Variants in PLCB4 observed in about 807,000 individuals in gnomAD.
PLCB4 encodes phospholipase C beta 4.
In PLCB4, 77 loss-of-function variants were observed where a neutral mutation model predicts 178.8. The ratio of observed to expected loss-of-function variants is 0.43; its 90% CI spans 0.36 to 0.52. PLCB4 has a LOEUF of 0.52. PLCB4 is among the 20% of genes least tolerant of loss of function. The pLI, the probability that PLCB4 is intolerant of heterozygous loss-of-function variation, is 0.00. For missense variants in PLCB4, 1,024 were observed against 1,453.4 expected (o/e 0.70, Z 4.80); for synonymous variants, 496 against 490.8 (o/e 1.01, Z -0.14).
intron 2 of PLCB4, among the ~76,000 whole-genome samples, chr20:9,133,738 AG>A (rs1454964515): frequency 6.6e-6 from 1 of 152,220 alleles, no homozygotes; most frequent in Non-Finnish European, 1.5e-5. Context: ...ACCCTCAGCG[AG>A]CTTTCCTCAC....
intron 30 of PLCB4, among the ~76,000 whole-genome samples, chr20:9,443,036 A>C (rs1367670977): frequency 1.3e-5 from 2 of 152,218 alleles, no homozygotes; most frequent in East Asian, 3.9e-4. Context: ...GCAGTCAAAC[A>C]GAAACTGTTT....
At chr20:9,308,329 A>G (rs1317139514) in intron 4 of PLCB4, among the ~76,000 whole-genome samples, 1 of 152,092 alleles carries the variant, frequency 6.6e-6, no homozygotes, top group African/African-American at 2.4e-5. Flanking sequence ...ATTGATATAA[A>G]CCATTTTGAC....
rs542708084 is a variant in PLCB4, at chr20:9,240,951, A to T, written c.-16+23499A>T. On this transcript the variant is annotated intron_variant, in intron 3 of 39. Transcript: ENST00000378473. ...ACTGCATTTCCTGGTGGTAGCAGAG[A>T]TCTCAATTGTTTGATTTGCAGAAAT... Among the ~76,000 whole-genome samples the T allele has an allele frequency of 7.4e-4, 112 of 152,238 alleles. No homozygotes were observed. In the Middle Eastern group the frequency reaches 0.014, roughly 18 times the overall value.
intron 7 of PLCB4, among the ~76,000 whole-genome samples, chr20:9,346,048 C>T (rs983103811): frequency 1.3e-5 from 2 of 152,320 alleles, no homozygotes; most frequent in East Asian, 3.9e-4. Flanking sequence ...CAACCAGTTC[C>T]TCTACTGATA....
chr20:9,436,982 T>C lies in PLCB4; in HGVS notation c.2614-20T>C. 1 of 1,612,708 alleles carries C rather than the reference T, an allele frequency of 6.2e-7. No individual in the cohort carries two copies. The highest frequency in any genetic ancestry group is 8.5e-7 in the Non-Finnish European group (1 of 1,178,958). The stretch of plus-strand genomic sequence containing the variant: ...CTTGAGTGACATTCATTTGGGTCAA[T>C]GTAAATGTTTCTGTTCCAGAGTGAC... On this transcript the variant is annotated intron_variant, in intron 29 of 39. Coordinates refer to ENST00000378473, the MANE Select transcript of PLCB4 (RefSeq NM_001377142.1).
chr20:9,116,195 TAA>T (rs1051667242), intron 2 of PLCB4, among the ~76,000 whole-genome samples: 22 of 152,000 alleles, frequency 1.4e-4, no homozygotes, highest in African/African-American at 5.1e-4. Flanking sequence ...AAACAAAATT[TAA>T]AGTTATGAAA....
intron 8 of PLCB4, among the ~76,000 whole-genome samples, chr20:9,364,786 G>A (rs778055558): frequency 3.3e-5 from 5 of 152,174 alleles, no homozygotes; most frequent in Non-Finnish European, 5.9e-5. Context: ...GGAGTCATTA[G>A]CTAAGAAAAG....
intron 3 of PLCB4, among the ~76,000 whole-genome samples, chr20:9,238,774 T>C (rs2147396802): frequency 6.6e-6 from 1 of 152,370 alleles, no homozygotes; most frequent in East Asian, 1.9e-4. Context: ...CCTGTGCCTC[T>C]GGATAGCCAA....
intron 2 of PLCB4, among the ~76,000 whole-genome samples, chr20:9,118,137 T>TA (rs1441662210): frequency 6.6e-6 from 1 of 151,736 alleles, no homozygotes; most frequent in South Asian, 2.1e-4. Context: ...TAGTTACATA[T>TA]GTATACATGT....
chr20:9,326,003 G>T (rs369387657), intron 4 of PLCB4, among the ~76,000 whole-genome samples: 2 of 152,060 alleles, frequency 1.3e-5, no homozygotes, highest in Non-Finnish European at 2.9e-5. Flanking sequence ...ACACGTTCTT[G>T]CTGTGTCTTC....
chr20:9,273,208 A>G (rs2094421290), intron 3 of PLCB4, among the ~76,000 whole-genome samples: 3 of 152,128 alleles, frequency 2.0e-5, no homozygotes, highest in Non-Finnish European at 4.4e-5. Context: ...GAATAGAATG[A>G]TGTCACTACC....
Position 9,453,499 on chromosome 20 carries a change from T to C in PLCB4, c.2996+37T>C, listed in dbSNP as rs200643874. 8.9e-5 allele frequency: 111 copies of C among 1,249,902 alleles called. No homozygotes were observed. In the Admixed American group the frequency reaches 1.5e-3, roughly 16 times the overall value. 77.4% of individuals were successfully genotyped at this position (1,249,902 alleles called of 1,614,324 possible). ...TATTTCCTTCTGAAGACTTTCTCTATGTTTATATTTTGTCTTTTCCCACAG... is the reference window on the plus strand; with the variant it reads ...TATTTCCTTCTGAAGACTTTCTCTACGTTTATATTTTGTCTTTTCCCACAG... On this transcript the variant is annotated intron_variant, in intron 33 of 39. Transcript: ENST00000378473.
intron 3 of PLCB4, among the ~76,000 whole-genome samples, chr20:9,246,172 T>C (rs945512526): frequency 1.2e-4 from 18 of 152,306 alleles, no homozygotes; most frequent in Middle Eastern, 3.4e-3. Flanking sequence ...ATACATACTA[T>C]ATACTGAGTT....
intron 2 of PLCB4, among the ~76,000 whole-genome samples, chr20:9,176,533 T>G (rs567346874): frequency 6.6e-6 from 1 of 152,358 alleles, no homozygotes; most frequent in East Asian, 1.9e-4. Flanking sequence ...AATTTTATGT[T>G]GATATCTACT....
chr20:9,371,938 T>G (rs1289756438), intron 10 of PLCB4, among the ~76,000 whole-genome samples: 2 of 152,216 alleles, frequency 1.3e-5, no homozygotes, highest in Non-Finnish European at 2.9e-5. Context: ...ATAAGCATAA[T>G]TAAACCTTGG....
chr20:9,280,324 T>C, intron 3 of PLCB4: 1 of 289,850 alleles, frequency 3.5e-6, no homozygotes, highest in Non-Finnish European at 5.2e-6. Context: ...GAATTTTGAT[T>C]GTGGGTAAAG....
intron 3 of PLCB4, among the ~76,000 whole-genome samples, chr20:9,231,969 A>T (rs2093938003): frequency 6.6e-6 from 1 of 152,194 alleles, no homozygotes; most frequent in Admixed American, 6.6e-5. Context: ...GCTTAGCAAT[A>T]AAAAAGCAAT....
intron 3 of PLCB4, among the ~76,000 whole-genome samples, chr20:9,284,230 G>A (rs550459491): frequency 6.6e-6 from 1 of 152,054 alleles, no homozygotes; most frequent in East Asian, 1.9e-4. Context: ...CTTAGATATG[G>A]TGACATTTAT....
intron 2 of PLCB4, among the ~76,000 whole-genome samples, chr20:9,133,118 A>T (rs181866701): frequency 6.6e-6 from 1 of 152,276 alleles, no homozygotes. Context: ...CATACTTGTC[A>T]TGTATGCTTC....
Sources: gnomAD v4.1 joint callset for allele counts (sites outside exome capture counted in the v4.1 genomes callset) on GRCh38, gnomAD v4.1.1 for gene constraint, MANE v1.5 for transcripts, NCBI Gene and HGNC (gene_info 2026-07-23, HGNC 2026-07-21) for gene names.